The following TOGARAM1 variants were observed in gnomAD, a reference collection of about 807,000 sequenced individuals.
The protein encoded by TOGARAM1 is TOG array regulator of axonemal microtubules 1.
A neutral mutation model predicts 166.6 loss-of-function variants in TOGARAM1; 100 were observed. The ratio of observed to expected loss-of-function variants is 0.60; its 90% confidence interval spans 0.51 to 0.71. TOGARAM1 has a LOEUF of 0.71. Among genes scored for constraint, TOGARAM1 ranks in the 30% least tolerant of loss-of-function variants. The pLI is 0.00. For missense variants in TOGARAM1, 2,029 were observed against 2,102.7 expected, an observed-to-expected ratio of 0.96 and a Z score of 0.69; for synonymous variants, 758 against 763.8, an observed-to-expected ratio of 0.99 and a Z score of 0.13.
rs375610783 is a variant in TOGARAM1, at chr14:45,040,489, T to A, written c.3813-3197T>A. 1.4e-4 allele frequency among the ~76,000 whole-genome samples: 21 copies of A among 151,082 alleles called. No homozygotes were observed. In the East Asian group the frequency reaches 3.7e-3, roughly 27 times the overall value. On this transcript the variant is annotated intron_variant, in intron 11 of 19. Coordinates refer to ENST00000361462, the MANE Select transcript of TOGARAM1 (RefSeq NM_001308120.2). ...TTGCAGTGGAAAACAATAGAGAAAA[T>A]CAATGAAAGCAAAAGCAGGTTCTTG...
In TOGARAM1 at chr14:44,962,436, C is replaced by A; in HGVS notation, c.15C>A (p.Pro5=). 1 of 1,567,006 alleles carries A rather than the reference C, an allele frequency of 6.4e-7. No individual in the cohort carries two copies. The highest frequency in any genetic ancestry group is 1.8e-5 in the Admixed American group (1 of 54,820). Residue 5 remains proline (P), a synonymous_variant, in exon 1 of 20, where the codon CCC becomes CCA. Transcript: ENST00000361462. MAAA[P]SALLLLPPFP... is the part of the protein sequence containing the mutation. ...GACAACCCTGCATGGCGGCTGCCCC[C>A]TCCGCGCTGCTTCTGCTGCCGCCCT...
At position 44,962,691 on chromosome 14, in the gene TOGARAM1, A is replaced by AG. The variant is rs1442552005; in HGVS notation, c.275dup (p.Asp93ArgfsTer2). ...GGTCTGAGTCTGGAGGCGGTTTGTC[A>AG]GGGGGAGATGAAGAGGACACTCGGC... On this transcript the variant is annotated frameshift_variant, in exon 1 of 20. Transcript: ENST00000361462. LOFTEE classifies it high-confidence loss of function. 2 of 1,614,030 alleles carry AG rather than the reference A, an allele frequency of 1.2e-6. No individual in the cohort carries two copies. The highest frequency in any genetic ancestry group is 1.3e-5 in the African/African-American group (1 of 74,930).
chr14:45,045,543 GTATATATATATATA>G (rs375962126), intron 13 of TOGARAM1, among the ~76,000 whole-genome samples: 4,274 of 38,954 alleles, frequency 0.11, 332 homozygotes, highest in East Asian at 0.35. Flanking sequence ...GTCTGTGTGT[GTATATATATATATA>G]TATATATATA....
intron 10 of TOGARAM1, 79 bp downstream of exon 10, chr14:45,028,408 A>AT: frequency 7.2e-7 from 1 of 1,381,062 alleles, no homozygotes; most frequent in Non-Finnish European, 9.9e-7. Flanking sequence ...CACTGAGGGT[A>AT]ATATATGACT....
chr14:45,000,526 A>T (rs529419559), intron 3 of TOGARAM1, among the ~76,000 whole-genome samples: 1 of 152,150 alleles, frequency 6.6e-6, no homozygotes, highest in East Asian at 1.9e-4. Context: ...ATTGCAAATG[A>T]CAGGATTTCA....
At chr14:44,984,458 C>T (rs909098037) in intron 1 of TOGARAM1, among the ~76,000 whole-genome samples, 1 of 151,580 alleles carries the variant, frequency 6.6e-6, no homozygotes, top group Non-Finnish European at 1.5e-5. Context: ...TTAAATAAGA[C>T]AATGTATATA....
chr14:45,031,971 C>A (rs760648803), intron 10 of TOGARAM1, among the ~76,000 whole-genome samples: 1 of 152,032 alleles, frequency 6.6e-6, no homozygotes, highest in Admixed American at 6.6e-5. Flanking sequence ...ACCAGCTTGA[C>A]CAACATGATG....
At chr14:45,058,467 G>A (rs939196062) in intron 16 of TOGARAM1, among the ~76,000 whole-genome samples, 2 of 151,970 alleles carry the variant, frequency 1.3e-5, no homozygotes, top group African/African-American at 2.4e-5. Flanking sequence ...GCTAATTTTT[G>A]TACTTTTAGT....
chr14:45,068,429 T>G lies in TOGARAM1; in HGVS notation c.4755T>G (p.Phe1585Leu), dbSNP rs1202467752. The change falls in exon 18 of 20, where the codon TTT becomes TTG. Residue 1585 changes from phenylalanine (F) to leucine (L), a missense_variant. This residue lies in a region of TOGARAM1 where 576 missense variants were observed against 670.5 expected (regional missense o/e 0.86). Transcript: ENST00000361462. ...ATTTACCAATTTATTTTCAGATTTT[T>G]GATGCTTTTAAATCTCGACTTCATG... ...DLVVGNIVKI[F>L]DAFKSRLHDS... is the part of the protein sequence containing the mutation. 6.2e-7 allele frequency: 1 copy of G among 1,600,104 alleles called. No homozygotes were observed. Among genetic ancestry groups the G allele is most frequent in the African/African-American group, 1.3e-5 (1 of 74,308 alleles).
chr14:45,005,912 T>G, intron 4 of TOGARAM1, 96 bp from the exon 5 acceptor site: 3 of 1,146,828 alleles, frequency 2.6e-6, no homozygotes, highest in Non-Finnish European at 3.6e-6. Flanking sequence ...TGTGCTTTTT[T>G]TATTTTAAAA....
intron 1 of TOGARAM1, among the ~76,000 whole-genome samples, chr14:44,991,574 C>T (rs1887138342): frequency 6.6e-6 from 1 of 152,036 alleles, no homozygotes; most frequent in African/African-American, 2.4e-5. Flanking sequence ...ATGTGTGTAA[C>T]AATGTTCACT....
At chr14:44,982,467 A>G (rs537012203) in intron 1 of TOGARAM1, among the ~76,000 whole-genome samples, 21 of 152,326 alleles carry the variant, frequency 1.4e-4, no homozygotes, top group East Asian at 7.7e-4. Context: ...TTTCACTACA[A>G]TGTGGTAGGA....
chr14:45,066,534 A>C, intron 16 of TOGARAM1, 44 bp from the exon 17 acceptor site: 1 of 1,456,466 alleles, frequency 6.9e-7, no homozygotes, highest in East Asian at 2.3e-5. Flanking sequence ...TAGTTTTTAT[A>C]GGAAAGTACA....
chr14:44,976,955 T>C (rs1425387915), intron 1 of TOGARAM1, among the ~76,000 whole-genome samples: 1 of 152,170 alleles, frequency 6.6e-6, no homozygotes, highest in Non-Finnish European at 1.5e-5. Context: ...ATTTTAAAAA[T>C]ACCAGAAAGC....
At chr14:44,971,879 T>G (rs1885902592) in intron 1 of TOGARAM1, among the ~76,000 whole-genome samples, 1 of 152,196 alleles carries the variant, frequency 6.6e-6, no homozygotes, top group African/African-American at 2.4e-5. Context: ...TGTAAAGAAC[T>G]GAGACAAGGT....
Position 45,044,677 on chromosome 14 carries a change from T to G in TOGARAM1, c.3961T>G (p.Cys1321Gly). 6.2e-7 allele frequency: 1 copy of G among 1,613,830 alleles called. No individual in the cohort carries two copies. Among genetic ancestry groups the G allele is most frequent in the South Asian group, 1.1e-5 (1 of 90,994 alleles). The change falls in exon 13 of 20, where the codon TGT becomes GGT. Residue 1321 changes from cysteine to glycine, a missense_variant. By Grantham distance (159) the Cys-to-Gly change is radical. Transcript: ENST00000361462. Reference sequence around the variant, plus strand: ...TGGAGTTTCTCGTGCTGCTGTGGTCTGTTTAAGTGATCTTTTCACTTATTT... The same window carrying G: ...TGGAGTTTCTCGTGCTGCTGTGGTCGGTTTAAGTGATCTTTTCACTTATTT... The part of the protein sequence containing the change: ...RSGVSRAAVV[C>G]LSDLFTYLKK...
In TOGARAM1 at chr14:44,962,252, T is replaced by G; in HGVS notation, c.-170T>G. 2.7e-6 allele frequency: 2 copies of G among 746,524 alleles called. No individual in the cohort carries two copies. Among genetic ancestry groups the G allele is most frequent in the Admixed American group, 3.4e-5 (1 of 29,178 alleles). The allele number at this position is 746,524 out of a possible 1,614,324, so 46.2% of individuals were successfully genotyped here. On this transcript the variant is annotated 5_prime_UTR_variant, in exon 1 of 20. The change creates a new upstream start codon in the 5' untranslated region. Transcript: ENST00000361462. ...GGTCTAGGGCTCAGACGGGGGCCAT[T>G]TTGCCAGAGGCTGCCTCCCGGAGTT...
intron 14 of TOGARAM1, among the ~76,000 whole-genome samples, chr14:45,051,229 T>C (rs1045110563): frequency 8.5e-5 from 13 of 152,306 alleles, no homozygotes; most frequent in Admixed American, 7.8e-4. Flanking sequence ...CTTGGGTGTA[T>C]TTTAGGTAGT....
intron 1 of TOGARAM1, among the ~76,000 whole-genome samples, chr14:44,993,029 A>G (rs1369810195): frequency 6.6e-6 from 1 of 151,898 alleles, no homozygotes; most frequent in Non-Finnish European, 1.5e-5. Flanking sequence ...TTGAGAGGCC[A>G]AGGTAGGCAG....
Sources: allele counts gnomAD v4.1 joint callset (sites outside exome capture counted in the v4.1 genomes callset), GRCh38; gene constraint gnomAD v4.1.1; regional missense constraint gnomAD v4.1.1; transcripts MANE v1.5; gene names NCBI Gene and HGNC (gene_info 2026-07-23, HGNC 2026-07-21).